Variants in MECOM observed in about 807,000 individuals in gnomAD.
MECOM encodes histone-lysine N-methyltransferase MECOM.
In MECOM, 13 loss-of-function variants were observed where a neutral mutation model predicts 116.3. The ratio of observed to expected loss-of-function variants is 0.11; its 90% CI spans 0.07 to 0.18. The LOEUF (loss-of-function observed/expected upper bound fraction) is 0.18. Ranked by LOEUF, MECOM falls within the 10% of genes least tolerant of loss-of-function variation. The pLI, the probability that MECOM is intolerant of heterozygous loss-of-function variation, is 1.00. For missense variants in MECOM, 1,299 were observed against 1,509.0 expected (o/e 0.86, Z 2.31); for synonymous variants, 528 against 535.2 (o/e 0.99, Z 0.19).
intron 1 of MECOM, among the ~76,000 whole-genome samples, chr3:169,510,897 T>G (rs1295590863): frequency 1.3e-5 from 2 of 152,166 alleles, no homozygotes; most frequent in Non-Finnish European, 2.9e-5. Flanking sequence ...AAGGTGTTGG[T>G]AAAAACCTCT....
intron 1 of MECOM, among the ~76,000 whole-genome samples, chr3:169,616,422 T>G (rs1268761286): frequency 6.6e-6 from 1 of 152,196 alleles, no homozygotes. Flanking sequence ...CTTGGTTCAC[T>G]GCAACCTCCG....
chr3:169,377,039 C>T (rs2108235634), intron 2 of MECOM, among the ~76,000 whole-genome samples: 1 of 152,242 alleles, frequency 6.6e-6, no homozygotes, highest in South Asian at 2.1e-4. Flanking sequence ...CTACAACCAT[C>T]TGATCTTTGA....
intron 1 of MECOM, among the ~76,000 whole-genome samples, chr3:169,609,958 T>C (rs1472585887): frequency 6.6e-6 from 1 of 152,196 alleles, no homozygotes; most frequent in Non-Finnish European, 1.5e-5. Context: ...TACTATGTTT[T>C]CCCAGAATAT....
At chr3:169,550,437 T>C (rs1761233047) in intron 1 of MECOM, among the ~76,000 whole-genome samples, 1 of 152,198 alleles carries the variant, frequency 6.6e-6, no homozygotes, top group South Asian at 2.1e-4. Context: ...AGTGAAGAAG[T>C]GAAAACAGTG....
At chr3:169,584,528 G>A (rs1368239425) in intron 1 of MECOM, among the ~76,000 whole-genome samples, 3 of 146,412 alleles carry the variant, frequency 2.0e-5, no homozygotes, top group African/African-American at 7.7e-5. Context: ...TGGCGCCGCT[G>A]CACTCCAGCC....
intron 2 of MECOM, among the ~76,000 whole-genome samples, chr3:169,328,129 G>A (rs1397186584): frequency 6.6e-6 from 1 of 152,140 alleles, no homozygotes; most frequent in African/African-American, 2.4e-5. Context: ...TGACCCGACT[G>A]AACTTTGTCA....
At chr3:169,546,215 T>G (rs1265288599) in intron 1 of MECOM, among the ~76,000 whole-genome samples, 1 of 152,222 alleles carries the variant, frequency 6.6e-6, no homozygotes, top group East Asian at 1.9e-4. Flanking sequence ...ATATATGCTC[T>G]TCTGCAGTCG....
At chr3:169,112,984 G>A (rs919768574) in intron 8 of MECOM, 110 bp from the exon 9 acceptor site, 7 of 746,238 alleles carry the variant, frequency 9.4e-6, no homozygotes, top group Non-Finnish European at 1.6e-5. Flanking sequence ...AGGTTTCTGG[G>A]AAGCGCACTC....
chr3:169,436,594 T>C (rs1040930946), intron 1 of MECOM, among the ~76,000 whole-genome samples: 1 of 152,160 alleles, frequency 6.6e-6, no homozygotes, highest in African/African-American at 2.4e-5. Context: ...ACGATTTGGA[T>C]TAGCAAAATT....
chr3:169,172,133 C>CA (rs11427346), intron 2 of MECOM, among the ~76,000 whole-genome samples: 9,971 of 141,706 alleles, frequency 0.07, 511 homozygotes, highest in East Asian at 0.28. Flanking sequence ...GAAAAAATAC[C>CA]AAAAAAAAAA....
intron 2 of MECOM, chr3:169,149,572 C>A: frequency 2.9e-6 from 1 of 346,938 alleles, no homozygotes; most frequent in South Asian, 2.2e-5. Context: ...CAGGCGCCGG[C>A]AACACAGCTC....
At chr3:169,557,083 G>A (rs1165398279) in intron 1 of MECOM, among the ~76,000 whole-genome samples, 2 of 152,076 alleles carry the variant, frequency 1.3e-5, no homozygotes, top group Non-Finnish European at 2.9e-5. Flanking sequence ...ATTGCTCTCA[G>A]GCCGGAAATG....
At chr3:169,127,582 T>C (rs548658940) in intron 5 of MECOM, among the ~76,000 whole-genome samples, 8 of 152,288 alleles carry the variant, frequency 5.3e-5, no homozygotes, top group African/African-American at 1.9e-4. Flanking sequence ...TACTATAAAG[T>C]TAAGCCTTCA....
intron 2 of MECOM, among the ~76,000 whole-genome samples, chr3:169,346,475 T>C (rs1285372389): frequency 6.6e-6 from 1 of 152,046 alleles, no homozygotes; most frequent in African/African-American, 2.4e-5. Flanking sequence ...AACGTATTAT[T>C]CTTAATGTAC....
At chr3:169,262,545 T>C (rs527888986) in intron 2 of MECOM, among the ~76,000 whole-genome samples, 3 of 152,266 alleles carry the variant, frequency 2.0e-5, no homozygotes, top group African/African-American at 7.2e-5. Flanking sequence ...CAATGAAATG[T>C]AGGTGAAGGC....
At chr3:169,309,305 A>T (rs906147311) in intron 2 of MECOM, among the ~76,000 whole-genome samples, 1 of 152,270 alleles carries the variant, frequency 6.6e-6, no homozygotes, top group Non-Finnish European at 1.5e-5. Context: ...TCAGAAGTCC[A>T]TGTGAGTATG....
chr3:169,486,945 A>G (rs924810884), intron 1 of MECOM, among the ~76,000 whole-genome samples: 14 of 152,130 alleles, frequency 9.2e-5, no homozygotes, highest in African/African-American at 3.1e-4. Flanking sequence ...AGAGACCACA[A>G]AATGTTTCCT....
At chr3:169,320,427 G>A (rs1472891135) in intron 2 of MECOM, among the ~76,000 whole-genome samples, 1 of 152,192 alleles carries the variant, frequency 6.6e-6, no homozygotes, top group Non-Finnish European at 1.5e-5. Flanking sequence ...GGTCCCTGAG[G>A]AGGAAGGATA....
intron 2 of MECOM, among the ~76,000 whole-genome samples, chr3:169,355,375 C>A (rs796226015): frequency 6.6e-6 from 1 of 151,914 alleles, no homozygotes; most frequent in Non-Finnish European, 1.5e-5. Flanking sequence ...CTCATGTTTT[C>A]CTTTCACCTT....
Sources: allele counts gnomAD v4.1 joint callset (sites outside exome capture counted in the v4.1 genomes callset), GRCh38; gene constraint gnomAD v4.1.1; transcripts MANE v1.5; gene names NCBI Gene and HGNC (gene_info 2026-07-23, HGNC 2026-07-21).